NELL2: variants seen among roughly 807,000 people sequenced by gnomAD.
The protein encoded by NELL2 is neural EGFL like 2, also known as protein kinase C-binding protein NELL2.
NELL2 carries 41 observed loss-of-function variants against 109.6 expected under a neutral mutation model. That is an observed-to-expected ratio of 0.37 (90% CI 0.29 to 0.49). The LOEUF (loss-of-function observed/expected upper bound fraction) is 0.49, where lower values mean the gene tolerates loss of function less well. Among genes scored for constraint, NELL2 ranks in the 20% least tolerant of loss-of-function variants. The pLI is 0.98. For synonymous variants in NELL2, 355 were observed against 344.7 expected, an observed-to-expected ratio of 1.03 and a Z score of -0.33; for missense variants, 900 against 1,008.3, an observed-to-expected ratio of 0.89 and a Z score of 1.45.
At chr12:44,611,045 TG>T in intron 13 of NELL2, 75 bp from the exon 14 acceptor site, 1 of 1,440,152 alleles carries the variant, frequency 6.9e-7, no homozygotes. Flanking sequence ...CCTTCAGTCT[TG>T]GTTATTGCAT....
chr12:44,698,685 T>C (rs1454290964), intron 12 of NELL2, among the ~76,000 whole-genome samples: 1 of 152,200 alleles, frequency 6.6e-6, no homozygotes, highest in Non-Finnish European at 1.5e-5. Context: ...CTATTTCCCA[T>C]ATTCTTGTTA....
At chr12:44,819,500 T>C (rs1943471163) in intron 2 of NELL2, among the ~76,000 whole-genome samples, 1 of 152,224 alleles carries the variant, frequency 6.6e-6, no homozygotes, top group Admixed American at 6.5e-5. Flanking sequence ...GGCATGTTGA[T>C]GAGGGAAGGT....
At chr12:44,652,921 C>G (rs948411559) in intron 13 of NELL2, among the ~76,000 whole-genome samples, 4 of 152,186 alleles carry the variant, frequency 2.6e-5, no homozygotes, top group Admixed American at 1.3e-4. Flanking sequence ...AGTAAGGTTG[C>G]ATGTCTCTGA....
chr12:44,897,262 CA>C (rs1188561162), intron 1 of NELL2, among the ~76,000 whole-genome samples: 1 of 152,028 alleles, frequency 6.6e-6, no homozygotes, highest in African/African-American at 2.4e-5. Flanking sequence ...TTCATACTTA[CA>C]AAATAAGACA....
intron 13 of NELL2, among the ~76,000 whole-genome samples, chr12:44,648,732 T>TATATA (rs1491366109): frequency 7.2e-3 from 179 of 24,822 alleles, no homozygotes; most frequent in African/African-American, 0.025. Flanking sequence ...TATATATATA[T>TATATA]TTTTTTTTTT....
chr12:44,738,782 A>G (rs1939785003), intron 9 of NELL2, among the ~76,000 whole-genome samples: 1 of 152,230 alleles, frequency 6.6e-6, no homozygotes, highest in African/African-American at 2.4e-5. Context: ...CGTATTGTAT[A>G]CTTGAAACGT....
chr12:44,684,471 G>A (rs532502098), intron 12 of NELL2, among the ~76,000 whole-genome samples: 1 of 152,206 alleles, frequency 6.6e-6, no homozygotes, highest in Admixed American at 6.5e-5. Context: ...TTTTGAATGT[G>A]TTTGCTCTTG....
At chr12:44,579,866 A>G (rs980997810) in intron 15 of NELL2, among the ~76,000 whole-genome samples, 1 of 152,326 alleles carries the variant, frequency 6.6e-6, no homozygotes, top group Admixed American at 6.5e-5. Flanking sequence ...AAGATGTGGA[A>G]TATCTGTCAT....
intron 1 of NELL2, among the ~76,000 whole-genome samples, chr12:44,906,005 G>T (rs1592715313): frequency 6.6e-6 from 1 of 151,994 alleles, no homozygotes; most frequent in Non-Finnish European, 1.5e-5. Flanking sequence ...TACGTGCTAT[G>T]GAAATAATAT....
At chr12:44,643,922 T>C (rs886218406) in intron 13 of NELL2, among the ~76,000 whole-genome samples, 2 of 152,160 alleles carry the variant, frequency 1.3e-5, no homozygotes, top group African/African-American at 4.8e-5. Flanking sequence ...GTTAGAAACA[T>C]GGGCAAGAGT....
intron 10 of NELL2, 120 bp downstream of exon 10, chr12:44,714,530 G>T: frequency 1.7e-6 from 1 of 577,946 alleles, no homozygotes; most frequent in Non-Finnish European, 3.1e-6. Context: ...AATTAATATT[G>T]TGAATTTTCT....
At chr12:44,593,074 A>G (rs1211575969) in intron 15 of NELL2, among the ~76,000 whole-genome samples, 1 of 152,218 alleles carries the variant, frequency 6.6e-6, no homozygotes, top group East Asian at 1.9e-4. Context: ...TGATTCCAGT[A>G]TAAAAAAGAA....
chr12:44,772,022 T>C (rs997724370), intron 9 of NELL2, among the ~76,000 whole-genome samples: 2 of 152,230 alleles, frequency 1.3e-5, no homozygotes, highest in Non-Finnish European at 2.9e-5. Flanking sequence ...TTAATCTCTT[T>C]AAGCTGTTTT....
At chr12:44,736,444 C>A (rs578111767) in intron 9 of NELL2, among the ~76,000 whole-genome samples, 6 of 151,642 alleles carry the variant, frequency 4.0e-5, no homozygotes, top group Admixed American at 3.9e-4. Flanking sequence ...TTCTAAAGGG[C>A]AAAGTAGACA....
chr12:44,535,914 C>A lies in NELL2; in HGVS notation c.1664-3193G>T, dbSNP rs1241177455. Among the ~76,000 whole-genome samples the A allele has an allele frequency of 1.3e-5, 2 of 151,642 alleles. 1 individual carries two copies. The highest frequency in any genetic ancestry group is 4.1e-4 in the South Asian group (2 of 4,820). On this transcript the variant is annotated intron_variant, in intron 15 of 19. Coordinates refer to ENST00000429094, the MANE Select transcript of NELL2 (RefSeq NM_001145108.2). ...GCAATGCCTTAATTTATCTAAAATA[C>A]GTCTGAATTTATAAAAGATACCTAT... is the stretch of plus-strand genomic sequence containing the variant.
At chr12:44,703,512 A>G (rs372779875) in intron 12 of NELL2, among the ~76,000 whole-genome samples, 1 of 152,182 alleles carries the variant, frequency 6.6e-6, no homozygotes, top group African/African-American at 2.4e-5. Context: ...AATTCAAGAA[A>G]CCAGCCATAT....
At chr12:44,567,014 G>A (rs1943687627) in intron 15 of NELL2, among the ~76,000 whole-genome samples, 1 of 152,048 alleles carries the variant, frequency 6.6e-6, no homozygotes, top group African/African-American at 2.4e-5. Context: ...GTTTCACCAT[G>A]TTGGTCAGGC....
chr12:44,691,708 A>C (rs1948904889), intron 12 of NELL2, among the ~76,000 whole-genome samples: 1 of 152,182 alleles, frequency 6.6e-6, no homozygotes, highest in Admixed American at 6.6e-5. Context: ...ATAGAAAGTG[A>C]AATGGTCTTA....
chr12:44,845,022 T>C (rs1457319142), intron 2 of NELL2, among the ~76,000 whole-genome samples: 1 of 152,204 alleles, frequency 6.6e-6, no homozygotes, highest in East Asian at 1.9e-4. Context: ...ATACTTTCCA[T>C]TCCAAAATGG....
Sources: allele counts gnomAD v4.1 joint callset (sites outside exome capture counted in the v4.1 genomes callset), GRCh38; gene constraint gnomAD v4.1.1; transcripts MANE v1.5; gene names NCBI Gene and HGNC (gene_info 2026-07-23, HGNC 2026-07-21).